CSMD1: variants seen among roughly 807,000 people sequenced by gnomAD.
CSMD1 encodes CUB and sushi domain-containing protein 1.
A neutral mutation model predicts 417.5 loss-of-function variants in CSMD1; 213 were observed. The ratio of observed to expected loss-of-function variants is 0.51; its 90% CI spans 0.46 to 0.57. The LOEUF (loss-of-function observed/expected upper bound fraction) is 0.57, where lower values mean the gene tolerates loss of function less well. CSMD1 is among the 20% of genes least tolerant of loss of function. The pLI is 0.00. For synonymous variants in CSMD1, 2,862 were observed against 1,736.8 expected (o/e 1.65, Z -16.11); for missense variants, 6,923 against 4,529.7 (o/e 1.53, Z -15.17).
At chr8:3,963,927 C>G (rs17063175) in intron 5 of CSMD1, among the ~76,000 whole-genome samples, 2,186 of 152,252 alleles carry the variant, frequency 0.014, 49 homozygotes, top group African/African-American at 0.049. Context: ...AATTTCCTCC[C>G]TTTCAGAAGA....
At chr8:4,265,059 C>T (rs1216574548) in intron 3 of CSMD1, among the ~76,000 whole-genome samples, 1 of 152,098 alleles carries the variant, frequency 6.6e-6, no homozygotes, top group Non-Finnish European at 1.5e-5. Flanking sequence ...TGCCTTGATA[C>T]AAAGGCTGCT....
At chr8:3,470,821 G>T (rs1456044102) in intron 11 of CSMD1, among the ~76,000 whole-genome samples, 1 of 152,150 alleles carries the variant, frequency 6.6e-6, no homozygotes, top group South Asian at 2.1e-4. Flanking sequence ...ATTCCTGGAA[G>T]ATTTATCCCA....
At chr8:4,756,424 C>T (rs1193708659) in intron 1 of CSMD1, among the ~76,000 whole-genome samples, 1 of 152,170 alleles carries the variant, frequency 6.6e-6, no homozygotes, top group South Asian at 2.1e-4. Context: ...GTGAGTTCAT[C>T]ATGACAGTCC....
At chr8:3,461,988 A>G (rs79721311) in intron 12 of CSMD1, among the ~76,000 whole-genome samples, 5,196 of 152,234 alleles carry the variant, frequency 0.034, 166 homozygotes, top group East Asian at 0.15. Flanking sequence ...AGTGTGTGTT[A>G]CACGTGTTCC....
At chr8:3,033,212 C>G (rs1810461114) in intron 50 of CSMD1, among the ~76,000 whole-genome samples, 1 of 152,060 alleles carries the variant, frequency 6.6e-6, no homozygotes, top group Non-Finnish European at 1.5e-5. Flanking sequence ...CACATTTTCA[C>G]AGTGAAAACA....
At chr8:2,940,517 A>G (rs185836778) in intron 69 of CSMD1, among the ~76,000 whole-genome samples, 3 of 152,256 alleles carry the variant, frequency 2.0e-5, no homozygotes, top group Non-Finnish European at 4.4e-5. Context: ...TATCTCCCTT[A>G]TCTCTGGCTC....
intron 1 of CSMD1, among the ~76,000 whole-genome samples, chr8:4,655,503 G>C (rs1430356023): frequency 6.6e-6 from 1 of 152,116 alleles, no homozygotes; most frequent in Non-Finnish European, 1.5e-5. Flanking sequence ...ATGATGATCA[G>C]AATTTAAGAG....
chr8:3,096,969 T>A lies in CSMD1; in HGVS notation c.7018A>T (p.Asn2340Tyr). The change falls in exon 47 of 70, where the codon AAT (asparagine) becomes TAT (tyrosine). Residue 2340 changes from asparagine (N) to tyrosine (Y), a missense_variant. Transcript: ENST00000635120. ...GVILSPGYPG[N>Y]YFNSQTCSWS... The stretch of plus-strand genomic sequence containing the variant: ...GAGCAAGTCTGGGAGTTAAAATAAT[T>A]ACCCGGATACCCTGGACTGAGAATG... 6.4e-7 allele frequency: 1 copy of A among 1,555,222 alleles called. No individual in the cohort carries two copies. Among genetic ancestry groups the A allele is most frequent in the Non-Finnish European group, 8.7e-7 (1 of 1,148,506 alleles).
At chr8:3,338,294 G>A (rs774146519) in intron 23 of CSMD1, among the ~76,000 whole-genome samples, 2 of 152,166 alleles carry the variant, frequency 1.3e-5, no homozygotes, top group African/African-American at 2.4e-5. Flanking sequence ...GTGGGTGCTG[G>A]GCGTTTCTTG....
At chr8:3,112,012 C>T (rs764047973) in intron 42 of CSMD1, among the ~76,000 whole-genome samples, 4 of 151,778 alleles carry the variant, frequency 2.6e-5, no homozygotes, top group South Asian at 2.1e-4. Flanking sequence ...TCCTTGTCAC[C>T]GCTTCCTTAA....
At chr8:3,343,583 G>C (rs934213410) in intron 22 of CSMD1, 133 bp from the exon 23 acceptor site, 1 of 730,786 alleles carries the variant, frequency 1.4e-6, no homozygotes, top group African/African-American at 1.8e-5. Flanking sequence ...TTTACAGAAA[G>C]ATAAATGAAG....
intron 2 of CSMD1, among the ~76,000 whole-genome samples, chr8:4,500,638 G>A (rs898818198): frequency 6.6e-6 from 1 of 152,120 alleles, no homozygotes; most frequent in Non-Finnish European, 1.5e-5. Context: ...AGAGAGGGAC[G>A]AAAGTGAGAG....
At chr8:4,390,102 G>C (rs1018060688) in intron 3 of CSMD1, among the ~76,000 whole-genome samples, 3 of 152,068 alleles carry the variant, frequency 2.0e-5, no homozygotes, top group East Asian at 1.9e-4. Flanking sequence ...CTAAACATTT[G>C]GTATTCCATA....
At chr8:3,068,190 T>C (rs1338724089) in intron 49 of CSMD1, among the ~76,000 whole-genome samples, 1 of 152,202 alleles carries the variant, frequency 6.6e-6, no homozygotes, top group Non-Finnish European at 1.5e-5. Flanking sequence ...TGTGGTAATT[T>C]TCTTCTTGTC....
At chr8:4,593,691 A>T (rs1189096942) in intron 2 of CSMD1, among the ~76,000 whole-genome samples, 1 of 152,208 alleles carries the variant, frequency 6.6e-6, no homozygotes, top group Non-Finnish European at 1.5e-5. Context: ...ACTTCCATGT[A>T]ATAAGCACCA....
rs182311533 is a variant in CSMD1, at chr8:3,260,205, T to G, written c.4153+23939A>C. Among the ~76,000 whole-genome samples, 3 of 152,342 alleles carry G rather than the reference T, an allele frequency of 2.0e-5. No homozygotes were observed. In the East Asian group the frequency reaches 5.8e-4, roughly 29 times the overall value. On this transcript the variant is annotated intron_variant, in intron 26 of 69. Transcript: ENST00000635120. ...TGCTTTATTATCTGCTTCCTCACCCTGAATTGAACTCTTTATGCATATAAC... is the reference window on the plus strand; with the variant it reads ...TGCTTTATTATCTGCTTCCTCACCCGGAATTGAACTCTTTATGCATATAAC...
intron 1 of CSMD1, among the ~76,000 whole-genome samples, chr8:4,687,304 T>A (rs897356204): frequency 1.3e-5 from 2 of 152,110 alleles, no homozygotes; most frequent in African/African-American, 2.4e-5. Context: ...CAGAGGATGA[T>A]GTGTGAAGAC....
intron 6 of CSMD1, among the ~76,000 whole-genome samples, chr8:3,731,871 G>A (rs1231115055): frequency 1.3e-5 from 2 of 152,242 alleles, no homozygotes; most frequent in African/African-American, 2.4e-5. Flanking sequence ...TATAAATGAG[G>A]AAACTAAAGC....
chr8:3,270,232 A>G (rs1801739870), intron 26 of CSMD1, among the ~76,000 whole-genome samples: 1 of 151,376 alleles, frequency 6.6e-6, no homozygotes, highest in South Asian at 2.1e-4. Flanking sequence ...TTATCTTTTT[A>G]TTTTTAGTAG....
Sources: gnomAD v4.1 joint callset for allele counts (sites outside exome capture counted in the v4.1 genomes callset) on GRCh38, gnomAD v4.1.1 for gene constraint, MANE v1.5 for transcripts, NCBI Gene and HGNC (gene_info 2026-07-23, HGNC 2026-07-21) for gene names.